Variants in PCDH9 observed in about 807,000 individuals in gnomAD.
PCDH9 encodes protocadherin-9.
PCDH9 carries 24 observed loss-of-function variants against 70.6 expected under a neutral mutation model. The observed-to-expected ratio is 0.34, with a 90% CI of 0.25 to 0.48. The LOEUF is 0.48. Among genes scored for constraint, PCDH9 ranks in the 20% least tolerant of loss-of-function variants. The pLI, the probability that PCDH9 is intolerant of heterozygous loss-of-function variation, is 0.99. For synonymous variants in PCDH9, 562 were observed against 558.5 expected, an observed-to-expected ratio of 1.01 and a Z score of -0.09; for missense variants, 1,281 against 1,503.6, an observed-to-expected ratio of 0.85 and a Z score of 2.45.
At chr13:66,858,081 G>T in intron 3 of PCDH9, among the ~76,000 whole-genome samples, 1 of 152,024 alleles carries the variant, frequency 6.6e-6, no homozygotes, top group East Asian at 1.9e-4. Flanking sequence ...TCCTTACTAA[G>T]ATAAATAACA....
intron 2 of PCDH9, among the ~76,000 whole-genome samples, chr13:66,934,759 C>G (rs1277103137): frequency 4.1e-5 from 5 of 121,726 alleles, no homozygotes; most frequent in Non-Finnish European, 8.2e-5. Flanking sequence ...CTCGCTCTGT[C>G]GCCCAGGCTG....
At chr13:66,575,764 T>G (rs9540825) in intron 4 of PCDH9, among the ~76,000 whole-genome samples, 2,360 of 152,254 alleles carry the variant, frequency 0.016, 35 homozygotes, top group South Asian at 0.025. Flanking sequence ...GTTTCTCTTT[T>G]ATTCACTCTC....
intron 2 of PCDH9, among the ~76,000 whole-genome samples, chr13:67,130,168 T>A (rs1566443663): frequency 6.6e-6 from 1 of 152,158 alleles, no homozygotes; most frequent in Non-Finnish European, 1.5e-5. Context: ...AATGAGCATT[T>A]TCACTTTCTG....
chr13:67,070,862 A>C (rs918401048), intron 2 of PCDH9, among the ~76,000 whole-genome samples: 1 of 152,136 alleles, frequency 6.6e-6, no homozygotes, highest in Non-Finnish European at 1.5e-5. Flanking sequence ...TTTAGGCAAT[A>C]TGAAGATGCA....
chr13:67,226,140 A>T lies in PCDH9; in HGVS notation c.2301T>A (p.Leu767=), dbSNP rs142526541. The T allele has an allele frequency of 6.2e-7, 1 of 1,614,152 alleles. No homozygotes were observed. Among genetic ancestry groups the T allele is most frequent in the African/African-American group, 1.3e-5 (1 of 75,030 alleles). ...CGTTAACATAAAGGAATACAAGCAC[A>T]AGCGTGTGCAAAGACTTAGGGTACC... ...DLGYPKSLHT[L]VLVFLYVNDT... Residue 767 remains leucine (L), a synonymous_variant, in exon 2 of 5, where the codon CTT becomes CTA. Transcript: ENST00000377865. This position sits in a 1 kb window ranked among gnomAD's most constrained non-coding sequence, Gnocchi z 5.0.
chr13:66,403,294 C>T (rs1485341502), intron 4 of PCDH9, among the ~76,000 whole-genome samples: 1 of 151,808 alleles, frequency 6.6e-6, no homozygotes, highest in African/African-American at 2.4e-5. Context: ...CACCACCATG[C>T]CTGGCTTTTT....
chr13:66,997,505 C>T (rs1336617457), intron 2 of PCDH9, among the ~76,000 whole-genome samples: 1 of 144,300 alleles, frequency 6.9e-6, no homozygotes, highest in Non-Finnish European at 1.5e-5. Context: ...CACTGGAGGT[C>T]TGTTTTGTTT....
chr13:66,813,443 AAG>A (rs2080545251), intron 3 of PCDH9, among the ~76,000 whole-genome samples: 1 of 151,046 alleles, frequency 6.6e-6, no homozygotes, highest in African/African-American at 2.4e-5. Context: ...GGAAGGAGGG[AAG>A]AGAGAAAGGG....
At chr13:67,060,013 G>A (rs1416312398) in intron 2 of PCDH9, among the ~76,000 whole-genome samples, 1 of 151,844 alleles carries the variant, frequency 6.6e-6, no homozygotes, top group Non-Finnish European at 1.5e-5. Flanking sequence ...ATGAGGGGGT[G>A]TGGCTCTAAA....
At chr13:66,713,572 CATAT>C (rs897827313) in intron 3 of PCDH9, among the ~76,000 whole-genome samples, 1 of 138,946 alleles carries the variant, frequency 7.2e-6, no homozygotes, top group East Asian at 2.1e-4. Flanking sequence ...AGCCTAATTA[CATAT>C]ATATATATAA....
intron 2 of PCDH9, among the ~76,000 whole-genome samples, chr13:67,069,836 C>T (rs775037422): frequency 6.6e-6 from 1 of 152,072 alleles, no homozygotes; most frequent in Non-Finnish European, 1.5e-5. Flanking sequence ...CTCTGCTTCT[C>T]ATAAAAATCT....
intron 4 of PCDH9, among the ~76,000 whole-genome samples, chr13:66,379,691 G>A (rs1054049653): frequency 6.6e-6 from 1 of 152,072 alleles, no homozygotes; most frequent in African/African-American, 2.4e-5. Flanking sequence ...TATTACCCTG[G>A]CAATCAAGTC....
At chr13:67,034,290 C>A (rs979652777) in intron 2 of PCDH9, among the ~76,000 whole-genome samples, 2 of 151,878 alleles carry the variant, frequency 1.3e-5, no homozygotes, top group South Asian at 4.2e-4. Context: ...GCCAGGATTG[C>A]GTTTTAATAT....
chr13:66,620,213 T>A (rs2077405017), intron 4 of PCDH9, among the ~76,000 whole-genome samples: 1 of 152,142 alleles, frequency 6.6e-6, no homozygotes, highest in Non-Finnish European at 1.5e-5. Flanking sequence ...ATTTATTCTG[T>A]TCAAGTAAGT....
intron 3 of PCDH9, among the ~76,000 whole-genome samples, chr13:66,756,184 A>G (rs1214970510): frequency 6.6e-6 from 1 of 152,200 alleles, no homozygotes; most frequent in Non-Finnish European, 1.5e-5. Flanking sequence ...GCCAAAGGTA[A>G]AAAAGCTTTT....
intron 4 of PCDH9, among the ~76,000 whole-genome samples, chr13:66,487,746 A>C (rs767124960): frequency 2.0e-4 from 31 of 152,294 alleles, no homozygotes; most frequent in Middle Eastern, 3.4e-3. Flanking sequence ...AACATACCTG[A>C]AAGTTTCCCC....
At chr13:66,812,683 T>C (rs1365008163) in intron 3 of PCDH9, among the ~76,000 whole-genome samples, 1 of 152,186 alleles carries the variant, frequency 6.6e-6, no homozygotes, top group Non-Finnish European at 1.5e-5. Context: ...GTTGTTTCCA[T>C]GAGCAGTAAC....
At position 67,017,321 on chromosome 13, in the gene PCDH9, C is replaced by T. The variant is rs2084583226; in HGVS notation, c.3037-113716G>A. Among the ~76,000 whole-genome samples the T allele has an allele frequency of 2.6e-5, 4 of 152,296 alleles. No homozygotes were observed. The South Asian group carries it at 6.2e-4, about 24-fold the overall frequency. ...CATTTCAGATTTCTGAACGTTCATT[C>T]GGTTTTACTATAAATGAAGTTTCAC... is the stretch of plus-strand genomic sequence containing the variant. On this transcript the variant is annotated intron_variant, in intron 2 of 4. Coordinates refer to ENST00000377865, the MANE Select transcript of PCDH9 (RefSeq NM_203487.3).
At chr13:66,687,411 A>G (rs1198374250) in intron 3 of PCDH9, among the ~76,000 whole-genome samples, 11 of 151,764 alleles carry the variant, frequency 7.2e-5, no homozygotes, top group Admixed American at 7.2e-4. Context: ...TTTCTTGCGG[A>G]TCCTGCCAAA....
Sources: allele counts gnomAD v4.1 joint callset (sites outside exome capture counted in the v4.1 genomes callset), GRCh38; gene constraint gnomAD v4.1.1; non-coding constraint Gnocchi (gnomAD v3.1); transcripts MANE v1.5; gene names NCBI Gene and HGNC (gene_info 2026-07-23, HGNC 2026-07-21).